NRG3: variants seen among roughly 807,000 people sequenced by gnomAD.
The protein encoded by NRG3 is neuregulin 3.
Under a neutral mutation model 66.9 loss-of-function variants are expected in NRG3, and 31 were observed. That is an observed-to-expected ratio of 0.46 (90% CI 0.35 to 0.63). The LOEUF is 0.63. Ranked by LOEUF, NRG3 falls within the 20% of genes least tolerant of loss-of-function variation. The pLI, the probability that NRG3 is intolerant of heterozygous loss-of-function variation, is 0.00. For synonymous variants in NRG3, 393 were observed against 359.4 expected, an observed-to-expected ratio of 1.09 and a Z score of -1.06; for missense variants, 910 against 878.9, an observed-to-expected ratio of 1.04 and a Z score of -0.45.
chr10:82,173,743 A>G (rs769035722), intron 1 of NRG3, among the ~76,000 whole-genome samples: 86 of 151,736 alleles, frequency 5.7e-4, no homozygotes, highest in Non-Finnish European at 9.7e-4. Context: ...CCAGACAAGA[A>G]CACAAAGATC....
Position 82,373,560 on chromosome 10 carries a change from G to A in NRG3, c.953+14692G>A, listed in dbSNP as rs570234538. Among the ~76,000 whole-genome samples the A allele has an allele frequency of 1.2e-3, 183 of 152,280 alleles. 1 individual carries two copies. The highest frequency in any genetic ancestry group is 4.2e-3 in the African/African-American group (173 of 41,554). ...TTGAGGCTCAGGCTAGTGTATCAGT[G>A]GGTAGCTCCACTGCTGGAGGAAAAA... On this transcript the variant is annotated intron_variant, in intron 2 of 8. Coordinates refer to ENST00000372141, the MANE Select transcript of NRG3 (RefSeq NM_001010848.4).
intron 1 of NRG3, among the ~76,000 whole-genome samples, chr10:81,989,926 G>A (rs2060672984): frequency 6.6e-6 from 1 of 152,128 alleles, no homozygotes; most frequent in East Asian, 1.9e-4. Context: ...ATGAAGAGGA[G>A]CAGAGAAATG....
intron 2 of NRG3, among the ~76,000 whole-genome samples, chr10:82,440,106 T>C (rs1380125356): frequency 6.6e-6 from 1 of 152,042 alleles, no homozygotes; most frequent in African/African-American, 2.4e-5. Context: ...CAGATTATGT[T>C]TCCCATCTTT....
At chr10:82,481,544 T>C (rs541722575) in intron 2 of NRG3, among the ~76,000 whole-genome samples, 6 of 152,310 alleles carry the variant, frequency 3.9e-5, no homozygotes, top group Admixed American at 2.6e-4. Flanking sequence ...AATTAATCAT[T>C]CATTTACATA....
chr10:82,818,384 T>A (rs1161701192), intron 3 of NRG3, among the ~76,000 whole-genome samples: 1 of 151,954 alleles, frequency 6.6e-6, no homozygotes, highest in Admixed American at 6.6e-5. Context: ...GCAACTAACT[T>A]CTCAGGAGGG....
At position 82,952,792 on chromosome 10, in the gene NRG3, T is replaced by C. The variant is rs532810006; in HGVS notation, c.1157+1221T>C. On this transcript the variant is annotated intron_variant, in intron 5 of 8. Transcript: ENST00000372141. ...GTCTGCATGTTATCTGTGTTGATTCTCAAAGAAAACTGTGATTATGATTTT... is the reference window on the plus strand; with the variant it reads ...GTCTGCATGTTATCTGTGTTGATTCCCAAAGAAAACTGTGATTATGATTTT... 3.3e-5 allele frequency among the ~76,000 whole-genome samples: 5 copies of C among 152,024 alleles called. No homozygotes were observed. The East Asian group carries it at 9.6e-4, about 29-fold the overall frequency.
intron 2 of NRG3, among the ~76,000 whole-genome samples, chr10:82,498,668 T>TA (rs2132319013): frequency 6.6e-6 from 1 of 152,266 alleles, no homozygotes; most frequent in South Asian, 2.1e-4. Context: ...AAATACACTC[T>TA]GATGGAAGAG....
At chr10:82,177,749 A>G (rs926227076) in intron 1 of NRG3, among the ~76,000 whole-genome samples, 9 of 152,110 alleles carry the variant, frequency 5.9e-5, no homozygotes, top group African/African-American at 2.2e-4. Context: ...AATATTTTCT[A>G]TTTTTTTGTA....
intron 2 of NRG3, among the ~76,000 whole-genome samples, chr10:82,493,759 C>T (rs1438283966): frequency 2.0e-5 from 3 of 152,126 alleles, no homozygotes. Context: ...GATCTCATTA[C>T]ATTAAGTAGC....
At chr10:82,431,941 A>C (rs2089835191) in intron 2 of NRG3, among the ~76,000 whole-genome samples, 1 of 152,184 alleles carries the variant, frequency 6.6e-6, no homozygotes, top group South Asian at 2.1e-4. Flanking sequence ...TATCAAACTT[A>C]TTCTTTAATC....
chr10:82,781,575 A>G (rs1241551363), intron 3 of NRG3, among the ~76,000 whole-genome samples: 1 of 152,126 alleles, frequency 6.6e-6, no homozygotes, highest in Non-Finnish European at 1.5e-5. Flanking sequence ...CATAGTGTTT[A>G]TAAAATATTT....
At chr10:82,829,779 A>T (rs1053221370) in intron 3 of NRG3, among the ~76,000 whole-genome samples, 3 of 152,176 alleles carry the variant, frequency 2.0e-5, no homozygotes, top group Non-Finnish European at 4.4e-5. Context: ...CTATAATTTA[A>T]AAGCTTGGTG....
intron 1 of NRG3, among the ~76,000 whole-genome samples, chr10:82,263,416 A>C (rs1232545138): frequency 2.0e-5 from 3 of 152,132 alleles, no homozygotes; most frequent in African/African-American, 7.2e-5. Context: ...TTATCCTCCA[A>C]ATCATTTTCT....
chr10:82,074,878 A>AT (rs1457787745), intron 1 of NRG3, among the ~76,000 whole-genome samples: 1 of 152,130 alleles, frequency 6.6e-6, no homozygotes, highest in Non-Finnish European at 1.5e-5. Context: ...ATGTTCATAA[A>AT]TTCAGCCACA....
At chr10:82,347,070 G>C (rs2083077449) in intron 1 of NRG3, among the ~76,000 whole-genome samples, 1 of 150,402 alleles carries the variant, frequency 6.6e-6, no homozygotes, top group Non-Finnish European at 1.5e-5. Flanking sequence ...ATTTCCTTCA[G>C]TTCTGCTCTG....
At chr10:81,937,416 C>T (rs1240687952) in intron 1 of NRG3, among the ~76,000 whole-genome samples, 1 of 152,114 alleles carries the variant, frequency 6.6e-6, no homozygotes, top group East Asian at 1.9e-4. Flanking sequence ...AATTTCTCCA[C>T]ATTCTTACCA....
rs542826018 is a variant in NRG3, at chr10:82,462,130, T to G, written c.953+103262T>G. 1.6e-4 allele frequency among the ~76,000 whole-genome samples: 24 copies of G among 151,944 alleles called. No homozygotes were observed. In the South Asian group the frequency reaches 4.6e-3, roughly 29 times the overall value. On this transcript the variant is annotated intron_variant, in intron 2 of 8. Coordinates refer to ENST00000372141, the MANE Select transcript of NRG3 (RefSeq NM_001010848.4). ...TGGACAACAAGAGTGAAACTCCATCTCAAAATAAATAAATAAATAAATAAA... is the reference window on the plus strand; with the variant it reads ...TGGACAACAAGAGTGAAACTCCATCGCAAAATAAATAAATAAATAAATAAA...
chr10:82,289,227 A>G (rs575994123), intron 1 of NRG3, among the ~76,000 whole-genome samples: 13 of 152,218 alleles, frequency 8.5e-5, no homozygotes, highest in Admixed American at 7.2e-4. Context: ...CATCAGCTCT[A>G]GAGACAAAGG....
intron 1 of NRG3, among the ~76,000 whole-genome samples, chr10:82,204,430 C>T (rs963868901): frequency 6.6e-6 from 1 of 152,190 alleles, no homozygotes; most frequent in Non-Finnish European, 1.5e-5. Flanking sequence ...TGATTTGGCT[C>T]AGTCAGTGGA....
Sources: allele counts gnomAD v4.1 joint callset (sites outside exome capture counted in the v4.1 genomes callset), GRCh38; gene constraint gnomAD v4.1.1; transcripts MANE v1.5; gene names NCBI Gene and HGNC (gene_info 2026-07-23, HGNC 2026-07-21).